Variants in GLIS3 observed in about 807,000 individuals in gnomAD.
The protein encoded by GLIS3 is GLIS family zinc finger 3, also known as zinc finger protein GLIS3.
Under a neutral mutation model 78.6 loss-of-function variants are expected in GLIS3, and 53 were observed. The ratio of observed to expected loss-of-function variants is 0.67; its 90% CI spans 0.54 to 0.85. The LOEUF (loss-of-function observed/expected upper bound fraction) is 0.85, where lower values mean the gene tolerates loss of function less well. GLIS3 is among the 40% of genes least tolerant of loss of function. GLIS3 has a pLI of 0.00. For synonymous variants in GLIS3, 684 were observed against 509.9 expected (o/e 1.34, Z -4.60); for missense variants, 1,703 against 1,231.1 (o/e 1.38, Z -5.74).
chr9:4,458,929 G>A, the GLIS3 span, among the ~76,000 whole-genome samples: 6 of 152,182 alleles, frequency 3.9e-5, no homozygotes, highest in Non-Finnish European at 8.8e-5. Flanking sequence ...GAGCAGAAGT[G>A]GGTGACAGGA....
intron 4 of GLIS3, among the ~76,000 whole-genome samples, 185 bp downstream of exon 4, chr9:4,117,583 A>G (rs573618627): frequency 6.6e-6 from 1 of 152,170 alleles, no homozygotes; most frequent in Non-Finnish European, 1.5e-5. Context: ...AAGGAAATAT[A>G]GCAATGGAGA....
At chr9:4,194,015 T>C (rs965541077) in intron 2 of GLIS3, among the ~76,000 whole-genome samples, 3 of 152,220 alleles carry the variant, frequency 2.0e-5, no homozygotes, top group Non-Finnish European at 2.9e-5. Context: ...GCTGCTGATG[T>C]TTATTACATT....
chr9:4,309,985 AC>A (rs1298000274), intron 3 of GLIS3, among the ~76,000 whole-genome samples: 2 of 152,232 alleles, frequency 1.3e-5, no homozygotes, highest in South Asian at 2.1e-4. Context: ...TCCCTGAATC[AC>A]TGTCTGAACG....
intron 2 of GLIS3, among the ~76,000 whole-genome samples, chr9:4,279,407 T>A (rs1348874540): frequency 6.9e-6 from 1 of 145,606 alleles, no homozygotes; most frequent in Non-Finnish European, 1.5e-5. Context: ...ATATCAGCGT[T>A]TTTTTTAATG....
Position 4,118,058 on chromosome 9 carries a change from C to G in GLIS3, c.1420G>C (p.Gly474Arg), listed in dbSNP as rs1397764811. The change falls in exon 4 of 11, where the codon GGG becomes CGG. Residue 474 changes from glycine to arginine, a missense_variant. Coordinates refer to ENST00000381971, the MANE Select transcript of GLIS3 (RefSeq NM_001042413.2). This position sits in a 1 kb window ranked among gnomAD's most constrained non-coding sequence, Gnocchi z 4.7. The part of the protein sequence containing the change: ...AHAHLHHPEL[G>R]PHAQQLALPQ... The stretch of plus-strand genomic sequence containing the variant: ...AAGGCCAGCTGCTGGGCGTGGGGCC[C>G]GAGCTCCGGGTGGTGAAGGTGCGCA... The G allele has an allele frequency of 1.3e-6, 2 of 1,569,034 alleles. No individual in the cohort carries two copies. Among genetic ancestry groups the G allele is most frequent in the African/African-American group, 1.4e-5 (1 of 72,766 alleles).
Position 4,144,793 on chromosome 9 carries a change from T to C in GLIS3, c.389-18852A>G, listed in dbSNP as rs146377293. The C allele has an allele frequency of 1.2e-4, 18 of 152,354 alleles. No homozygotes were observed. In the East Asian group the frequency reaches 2.7e-3, roughly 23 times the overall value. 9.4% of individuals were successfully genotyped at this position (152,354 alleles called of 1,614,324 possible). A position where few individuals can be genotyped will look rare whatever the true frequency, so the allele number is the denominator to read the frequency against. On this transcript the variant is annotated intron_variant, in intron 2 of 10. Transcript: ENST00000381971. ...CCTCCATGATTCTAATCCTATTTTT[T>C]GCTTCTCGTAAACATAACTCACAAT...
chr9:4,374,265 G>A, the GLIS3 span, among the ~76,000 whole-genome samples: 112 of 152,308 alleles, frequency 7.4e-4, no homozygotes, highest in Non-Finnish European at 1.3e-3. Flanking sequence ...CTTCTCTGAA[G>A]CAATGGCTGT....
intron 4 of GLIS3, among the ~76,000 whole-genome samples, chr9:3,984,605 G>A (rs1181634591): frequency 5.3e-5 from 8 of 152,188 alleles, no homozygotes; most frequent in Admixed American, 3.9e-4. Flanking sequence ...ACTTTAGACT[G>A]TAGACTTTTG....
At chr9:4,394,930 A>T in the GLIS3 span, among the ~76,000 whole-genome samples, 1,960 of 152,316 alleles carry the variant, frequency 0.013, 43 homozygotes, top group African/African-American at 0.045. Flanking sequence ...TATCTAATCC[A>T]TCTGGCTGGG....
At chr9:4,018,845 C>T (rs1822641591) in intron 4 of GLIS3, among the ~76,000 whole-genome samples, 1 of 152,144 alleles carries the variant, frequency 6.6e-6, no homozygotes, top group Non-Finnish European at 1.5e-5. Context: ...GACCAGTTTT[C>T]CCTGACTAGA....
chr9:3,885,106 T>TTAAC (rs967318167), intron 7 of GLIS3, among the ~76,000 whole-genome samples: 1 of 152,198 alleles, frequency 6.6e-6, no homozygotes, highest in Non-Finnish European at 1.5e-5. Context: ...AGGCAAGAAA[T>TTAAC]TAACTGAATT....
At chr9:4,220,604 C>T (rs1821243174) in intron 2 of GLIS3, among the ~76,000 whole-genome samples, 1 of 151,940 alleles carries the variant, frequency 6.6e-6, no homozygotes, top group Non-Finnish European at 1.5e-5. Flanking sequence ...TCAAAAATGC[C>T]AAGTCAAACT....
At chr9:4,435,054 G>A in the GLIS3 span, among the ~76,000 whole-genome samples, 4 of 152,252 alleles carry the variant, frequency 2.6e-5, no homozygotes, top group African/African-American at 9.6e-5. Flanking sequence ...TAATACAGCA[G>A]AAGCTTCAAC....
intron 2 of GLIS3, among the ~76,000 whole-genome samples, chr9:4,230,488 A>G (rs1775270904): frequency 6.6e-6 from 1 of 152,198 alleles, no homozygotes; most frequent in Non-Finnish European, 1.5e-5. Context: ...AAAGCGATAG[A>G]AAATGATGGA....
Position 4,279,121 on chromosome 9 carries a change from G to GA in GLIS3, c.388+6916dup, listed in dbSNP as rs1448666941. Among the ~76,000 whole-genome samples, 39 of 151,812 alleles carry GA rather than the reference G, an allele frequency of 2.6e-4. 1 individual carries two copies. Among genetic ancestry groups the GA allele is most frequent in the Admixed American group, 2.6e-3 (39 of 15,228 alleles). ...TCAAGACCAGCCTGGCCAAGATGGT[G>GA]AAACCCCATCTCTAATAAAAATACA... On this transcript the variant is annotated intron_variant, in intron 2 of 10. Transcript: ENST00000381971.
At chr9:4,264,699 C>T (rs1587216013) in intron 2 of GLIS3, among the ~76,000 whole-genome samples, 1 of 152,248 alleles carries the variant, frequency 6.6e-6, no homozygotes, top group East Asian at 1.9e-4. Flanking sequence ...CTCCTCATCC[C>T]TCTGAAACCC....
At chr9:4,006,997 G>A (rs2129979953) in intron 4 of GLIS3, among the ~76,000 whole-genome samples, 1 of 152,316 alleles carries the variant, frequency 6.6e-6, no homozygotes, top group South Asian at 2.1e-4. Flanking sequence ...TGGCCAAAAT[G>A]AAGTGATGAT....
intron 2 of GLIS3, among the ~76,000 whole-genome samples, chr9:4,244,868 G>C (rs1823652829): frequency 6.6e-6 from 1 of 152,152 alleles, no homozygotes; most frequent in Non-Finnish European, 1.5e-5. Flanking sequence ...AAGCCACCAT[G>C]CCTGACCACA....
At chr9:3,956,031 A>C (rs1458685256) in intron 4 of GLIS3, among the ~76,000 whole-genome samples, 10 of 104,262 alleles carry the variant, frequency 9.6e-5, no homozygotes, top group East Asian at 2.7e-4. Flanking sequence ...GATTCAGCAA[A>C]AAAAAAAAAA....
Sources: allele counts gnomAD v4.1 joint callset (sites outside exome capture counted in the v4.1 genomes callset), GRCh38; gene constraint gnomAD v4.1.1; non-coding constraint Gnocchi (gnomAD v3.1); transcripts MANE v1.5; gene names NCBI Gene and HGNC (gene_info 2026-07-23, HGNC 2026-07-21).